KIF20A: variants seen among roughly 807,000 people sequenced by gnomAD.
The protein encoded by KIF20A is kinesin family member 20A.
A neutral mutation model predicts 113.0 loss-of-function variants in KIF20A; 66 were observed. The ratio of observed to expected loss-of-function variants is 0.58; its 90% CI spans 0.48 to 0.72. The LOEUF is 0.72. Ranked by LOEUF, KIF20A falls within the 30% of genes least tolerant of loss-of-function variation. The pLI is 0.00. For synonymous variants in KIF20A, 376 were observed against 402.3 expected (o/e 0.93, Z 0.78); for missense variants, 927 against 1,077.6 (o/e 0.86, Z 1.96).
chr5:138,181,777 C>T, intron 4 of KIF20A, 49 bp downstream of exon 4: 5 of 1,604,510 alleles, frequency 3.1e-6, no homozygotes, highest in Non-Finnish European at 3.4e-6. Context: ...GTAAGGGCAA[C>T]TTTATTCCCT....
chr5:138,186,139 A>G (rs896193068), intron 17 of KIF20A, 87 bp downstream of exon 17: 2 of 1,501,916 alleles, frequency 1.3e-6, no homozygotes, highest in Non-Finnish European at 1.8e-6. Context: ...ATGTGAAGAC[A>G]AGATGTTTTT....
rs1561629974 is a variant in KIF20A, at chr5:138,184,245, G to T, written c.1359G>T (p.Lys453Asn). The change falls in exon 12 of 19, where the codon AAG becomes AAT. Residue 453 changes from lysine to asparagine, a missense_variant. Physicochemically the swap from Lys to Asn is moderately conservative, Grantham distance 94 (BLOSUM62 0). Coordinates refer to ENST00000394894, the MANE Select transcript of KIF20A (RefSeq NM_005733.3). ...ALRQNQQNRS[K>N]QNLVPFRDSK... ...ATCTCTGATTCTCTGCCAGGTCAAA[G>T]CAGAACCTGGTTCCCTTCCGTGACA... The T allele has an allele frequency of 3.1e-6, 5 of 1,614,094 alleles. No individual in the cohort carries two copies. The highest frequency in any genetic ancestry group is 4.2e-6 in the Non-Finnish European group (5 of 1,179,976).
chr5:138,186,699 A>G (rs1000818590), intron 18 of KIF20A, among the ~76,000 whole-genome samples: 1 of 152,220 alleles, frequency 6.6e-6, no homozygotes, highest in Admixed American at 6.5e-5. Flanking sequence ...TACTGATTAT[A>G]AGAAACCATT....
In KIF20A at chr5:138,184,653, G is replaced by C; in HGVS notation, c.1660G>C (p.Asp554His). ...GLDDDIENEA[D>H]ISMYGKEELL... is the part of the protein sequence containing the mutation. ...TGATGATGATATTGAAAATGAAGCT[G>C]ACATCTCCATGTATGGCAAAGAGGT... Residue 554 changes from aspartate to histidine, a missense_variant, in exon 13 of 19, where the codon GAC (aspartate) becomes CAC (histidine). By Grantham distance (81) the Asp-to-His change is moderately conservative. Transcript: ENST00000394894. 6.2e-7 allele frequency: 1 copy of C among 1,614,118 alleles called. No homozygotes were observed. The highest frequency in any genetic ancestry group is 8.5e-7 in the Non-Finnish European group (1 of 1,179,982).
intron 4 of KIF20A, 195 bp downstream of exon 4, chr5:138,181,923 T>C (rs1482428450): frequency 1.6e-6 from 1 of 622,046 alleles, no homozygotes; most frequent in South Asian, 2.1e-5. Context: ...TCTATTGTTA[T>C]TATCATTATT....
chr5:138,180,443 T>G (rs147936452), intron 2 of KIF20A, among the ~76,000 whole-genome samples: 1 of 152,302 alleles, frequency 6.6e-6, no homozygotes, highest in Non-Finnish European at 1.5e-5. Flanking sequence ...CTTCAGGCAT[T>G]GCTAAATGGC....
chr5:138,185,416 G>A, intron 15 of KIF20A, 96 bp from the exon 16 acceptor site: 2 of 1,181,996 alleles, frequency 1.7e-6, no homozygotes, highest in Non-Finnish European at 2.5e-6. Context: ...AGGTTTTCAA[G>A]GGATCAGTGT....
intron 15 of KIF20A, 133 bp downstream of exon 15, chr5:138,185,330 G>A: frequency 1.2e-6 from 1 of 831,240 alleles, no homozygotes; most frequent in Non-Finnish European, 2.0e-6. Context: ...TCCCCATAGT[G>A]CTTTGGGTTC....
Position 138,182,852 on chromosome 5 carries a change from C to T in KIF20A, c.703-9C>T. ...GTTTTGTGCTTACCTTCTCCCTGTG[C>T]CCCTCCAGGAGGAGCTGTCCACTTC... On this transcript the variant is annotated splice_polypyrimidine_tract_variant and intron_variant, in intron 6 of 18. Coordinates refer to ENST00000394894, the MANE Select transcript of KIF20A (RefSeq NM_005733.3). 6.2e-7 allele frequency: 1 copy of T among 1,614,020 alleles called. No individual in the cohort carries two copies. The highest frequency in any genetic ancestry group is 8.5e-7 in the Non-Finnish European group (1 of 1,179,928).
In KIF20A at chr5:138,179,808, G is replaced by T. The variant is rs1581476024; in HGVS notation, c.128G>T (p.Cys43Phe). 1.2e-6 allele frequency: 2 copies of T among 1,613,974 alleles called. No individual in the cohort carries two copies. The highest frequency in any genetic ancestry group is 1.7e-6 in the Non-Finnish European group (2 of 1,180,034). The part of the protein sequence containing the change: ...SVVRKNLLSD[C>F]SVVSTSLEDK... ...GTACGCAAGAACCTGCTATCAGACT[G>T]CTCTGTCGTCTCTACCTCCCTAGAG... The change falls in exon 2 of 19, where the codon TGC (cysteine) becomes TTC (phenylalanine). Residue 43 changes from cysteine to phenylalanine, a missense_variant. Coordinates refer to ENST00000394894, the MANE Select transcript of KIF20A (RefSeq NM_005733.3).
chr5:138,184,228 T>C lies in KIF20A; in HGVS notation c.1353-11T>C, dbSNP rs1267306647. 2 of 1,613,910 alleles carry C rather than the reference T, an allele frequency of 1.2e-6. No homozygotes were observed. Among genetic ancestry groups the C allele is most frequent in the South Asian group, 1.1e-5 (1 of 91,052 alleles). ...CTGCTCACAGCTCTATTATCTCTGATTCTCTGCCAGGTCAAAGCAGAACCT... is the reference window on the plus strand; with the variant it reads ...CTGCTCACAGCTCTATTATCTCTGACTCTCTGCCAGGTCAAAGCAGAACCT... On this transcript the variant is annotated splice_polypyrimidine_tract_variant and intron_variant, in intron 11 of 18. Transcript: ENST00000394894.
In KIF20A at chr5:138,185,723, A is replaced by G. The variant is rs1754732989; in HGVS notation, c.2125+13A>G. ...TCTACCACTGAAGGTGAGGAAAGAG[A>G]CAGGCAGGAAACATAACAGTGGTTC... On this transcript the variant is annotated intron_variant, in intron 16 of 18. Coordinates refer to ENST00000394894, the MANE Select transcript of KIF20A (RefSeq NM_005733.3). 1 of 1,613,456 alleles carries G rather than the reference A, an allele frequency of 6.2e-7. No homozygotes were observed. Among genetic ancestry groups the G allele is most frequent in the Non-Finnish European group, 8.5e-7 (1 of 1,179,374 alleles).
intron 15 of KIF20A, 142 bp downstream of exon 15, chr5:138,185,339 T>C (rs1754727278): frequency 6.0e-6 from 5 of 837,698 alleles, no homozygotes; most frequent in Non-Finnish European, 9.7e-6. Flanking sequence ...TGCTTTGGGT[T>C]CAATCTATGT....
At chr5:138,186,863 C>G (rs1754753619) in intron 18 of KIF20A, among the ~76,000 whole-genome samples, 1 of 152,176 alleles carries the variant, frequency 6.6e-6, no homozygotes, top group Non-Finnish European at 1.5e-5. Flanking sequence ...ATTAAATTTA[C>G]TCAAGCTCAT....
Position 138,182,986 on chromosome 5 carries a change from G to C in KIF20A, c.828G>C (p.Leu276=), listed in dbSNP as rs377038296. Residue 276 remains leucine, a synonymous_variant, in exon 7 of 19, where the codon CTG becomes CTC. Coordinates refer to ENST00000394894, the MANE Select transcript of KIF20A (RefSeq NM_005733.3). Reference sequence around the variant, plus strand: ...GTCAGTGTACCAGCAGTAGCCAGCTGGATGGTATGTACCGTGACTGGGCTC... The same window carrying C: ...GTCAGTGTACCAGCAGTAGCCAGCTCGATGGTATGTACCGTGACTGGGCTC... ...SISQCTSSSQ[L]DETSHRWAQP... The C allele has an allele frequency of 1.6e-5, 26 of 1,614,020 alleles. No individual in the cohort carries two copies. The highest frequency in any genetic ancestry group is 1.9e-5 in the Non-Finnish European group (23 of 1,180,040).
At position 138,182,579 on chromosome 5, in the gene KIF20A, C is replaced by A. The variant is rs780966779; in HGVS notation, c.515-7C>A. ...GCCTCAGCTGTCCATCTTTCATATG[C>A]CTCCAGGTACCATCAAGGATGGAGG... On this transcript the variant is annotated splice_polypyrimidine_tract_variant and splice_region_variant and intron_variant, in intron 5 of 18. Transcript: ENST00000394894. 1 of 1,614,008 alleles carries A rather than the reference C, an allele frequency of 6.2e-7. No individual in the cohort carries two copies. The highest frequency in any genetic ancestry group is 8.5e-7 in the Non-Finnish European group (1 of 1,179,962).
chr5:138,186,503 AC>A, intron 18 of KIF20A, 72 bp downstream of exon 18: 1 of 1,502,568 alleles, frequency 6.7e-7, no homozygotes, highest in Non-Finnish European at 8.9e-7. Context: ...AGGAAAGAGG[AC>A]CAGAAGAAAA....
chr5:138,179,970 G>C, intron 2 of KIF20A, 125 bp downstream of exon 2: 1 of 980,296 alleles, frequency 1.0e-6, no homozygotes, highest in Non-Finnish European at 1.4e-6. Context: ...AAAATTAAGG[G>C]CATTTAGGAC....
chr5:138,182,584 A>G lies in KIF20A; in HGVS notation c.515-2A>G. 6.2e-7 allele frequency: 1 copy of G among 1,614,168 alleles called. No homozygotes were observed. The highest frequency in any genetic ancestry group is 2.2e-5 in the East Asian group (1 of 44,896). The stretch of plus-strand genomic sequence containing the variant: ...AGCTGTCCATCTTTCATATGCCTCC[A>G]GGTACCATCAAGGATGGAGGGATTC... On this transcript the variant is annotated splice_acceptor_variant, in intron 5 of 18. Transcript: ENST00000394894. LOFTEE classifies it high-confidence loss of function.
Sources: allele counts gnomAD v4.1 joint callset (sites outside exome capture counted in the v4.1 genomes callset), GRCh38; gene constraint gnomAD v4.1.1; transcripts MANE v1.5; gene names NCBI Gene and HGNC (gene_info 2026-07-23, HGNC 2026-07-21).